SEMA6D: variants seen among roughly 807,000 people sequenced by gnomAD.
SEMA6D encodes semaphorin 6D.
Under a neutral mutation model 106.6 loss-of-function variants are expected in SEMA6D, and 35 were observed. The observed-to-expected ratio is 0.33, with a 90% CI of 0.25 to 0.44. SEMA6D has a LOEUF of 0.44. Ranked by LOEUF, SEMA6D falls within the 20% of genes least tolerant of loss-of-function variation. The probability of loss-of-function intolerance (pLI) is 1.00; values close to 1 mark genes in which losing one functional copy is unlikely to be tolerated. For missense variants in SEMA6D, 1,185 were observed against 1,345.9 expected (o/e 0.88, Z 1.87); for synonymous variants, 499 against 487.7 (o/e 1.02, Z -0.31).
chr15:47,607,364 C>T (rs762632662), intron 4 of SEMA6D, among the ~76,000 whole-genome samples: 7 of 152,070 alleles, frequency 4.6e-5, no homozygotes, highest in Non-Finnish European at 1.0e-4. Context: ...TATAGACAGA[C>T]AAATGGAGGT....
chr15:47,607,943 C>G lies in SEMA6D; in HGVS notation c.-55+7047C>G, dbSNP rs570627618. ...GCCACTTTGTTTTCCTGTCATTTCT[C>G]TTTGTCTTATCTTATCCCTTTCAAA... On this transcript the variant is annotated intron_variant, in intron 4 of 19. Transcript: ENST00000558014. Among the ~76,000 whole-genome samples, 3 of 152,290 alleles carry G rather than the reference C, an allele frequency of 2.0e-5. No homozygotes were observed. The East Asian group carries it at 5.8e-4, about 29-fold the overall frequency.
intron 4 of SEMA6D, among the ~76,000 whole-genome samples, chr15:47,677,999 T>C (rs2078278595): frequency 6.6e-6 from 1 of 152,110 alleles, no homozygotes; most frequent in African/African-American, 2.4e-5. Flanking sequence ...ATGGGAAGTA[T>C]CCTTTCTCAA....
In SEMA6D at chr15:47,665,639, G is replaced by A. The variant is rs991766971; in HGVS notation, c.-55+64743G>A. Reference sequence around the variant, plus strand: ...ATCCTGGCCAACATGGTGAAATCCCGTCTCTACTAAAAATACAAAAATTAG... The same window carrying A: ...ATCCTGGCCAACATGGTGAAATCCCATCTCTACTAAAAATACAAAAATTAG... On this transcript the variant is annotated intron_variant, in intron 4 of 19. Coordinates refer to the SEMA6D transcript ENST00000558014. 7.9e-5 allele frequency among the ~76,000 whole-genome samples: 12 copies of A among 152,164 alleles called. No individual in the cohort carries two copies. In the South Asian group the frequency reaches 1.0e-3, roughly 13 times the overall value.
chr15:47,308,248 T>C (rs550643099), intron 1 of SEMA6D, among the ~76,000 whole-genome samples: 1 of 152,294 alleles, frequency 6.6e-6, no homozygotes, highest in East Asian at 1.9e-4. Context: ...CTCTGCCACA[T>C]AGTTGCCACA....
At chr15:47,467,650 A>C (rs959938966) in intron 2 of SEMA6D, among the ~76,000 whole-genome samples, 14 of 152,088 alleles carry the variant, frequency 9.2e-5, no homozygotes. Flanking sequence ...ATGGAAGTGG[A>C]GCTGTTTCTC....
intron 3 of SEMA6D, among the ~76,000 whole-genome samples, chr15:47,496,512 G>T (rs1038487642): frequency 1.2e-4 from 18 of 151,880 alleles, no homozygotes; most frequent in African/African-American, 4.4e-4. Flanking sequence ...CCTGTTTTCA[G>T]CTCCACAAGC....
At chr15:47,312,723 CAA>C (rs1300283537) in intron 1 of SEMA6D, among the ~76,000 whole-genome samples, 1 of 152,056 alleles carries the variant, frequency 6.6e-6, no homozygotes, top group East Asian at 1.9e-4. Flanking sequence ...ATAATTTAAA[CAA>C]TATTTTTATA....
intron 3 of SEMA6D, among the ~76,000 whole-genome samples, chr15:47,531,845 T>A (rs895881454): frequency 1.3e-5 from 2 of 152,240 alleles, no homozygotes; most frequent in African/African-American, 4.8e-5. Flanking sequence ...CATGTTGTTA[T>A]GGACTGTTCT....
At chr15:47,253,332 C>A (rs1436777332) in intron 1 of SEMA6D, among the ~76,000 whole-genome samples, 1 of 152,046 alleles carries the variant, frequency 6.6e-6, no homozygotes, top group Non-Finnish European at 1.5e-5. Context: ...TTTATTGTTT[C>A]CTTTGCTATG....
chr15:47,703,264 G>A (rs1444861007), intron 4 of SEMA6D, among the ~76,000 whole-genome samples: 1 of 152,064 alleles, frequency 6.6e-6, no homozygotes, highest in Non-Finnish European at 1.5e-5. Context: ...TATGGCATGG[G>A]TGAAATTATA....
chr15:47,227,894 A>G (rs1019900695), intron 1 of SEMA6D, among the ~76,000 whole-genome samples: 1 of 142,748 alleles, frequency 7.0e-6, no homozygotes, highest in Non-Finnish European at 1.5e-5. Flanking sequence ...TATATATTTT[A>G]TATATATAAG....
At chr15:47,318,598 C>T (rs1352515668) in intron 1 of SEMA6D, among the ~76,000 whole-genome samples, 1 of 146,846 alleles carries the variant, frequency 6.8e-6, no homozygotes, top group Non-Finnish European at 1.5e-5. Flanking sequence ...GACATGAACT[C>T]ATCATTTTTT....
intron 1 of SEMA6D, among the ~76,000 whole-genome samples, chr15:47,385,720 A>C (rs2039814358): frequency 6.6e-6 from 1 of 152,206 alleles, no homozygotes; most frequent in African/African-American, 2.4e-5. Context: ...ATTATATAAT[A>C]AATTTGGAAC....
intron 3 of SEMA6D, among the ~76,000 whole-genome samples, chr15:47,498,411 A>G (rs2141560021): frequency 6.6e-6 from 1 of 152,222 alleles, no homozygotes; most frequent in African/African-American, 2.4e-5. Context: ...AATCTTGATA[A>G]ATACATCAAA....
At position 47,771,909 on chromosome 15, in the gene SEMA6D, CTCTT is replaced by C; in HGVS notation, c.*128_*131del. ...TAAGAGAACCAAGTGGCCAAAGAAA[CTCTT>C]TCTAACTTTGGCAACATCAGAACTT... On this transcript the variant is annotated 3_prime_UTR_variant, in exon 19 of 19. Transcript: ENST00000536845. The C allele has an allele frequency of 2.9e-6, 3 of 1,038,854 alleles. No homozygotes were observed. The highest frequency in any genetic ancestry group is 2.4e-5 in the Admixed American group (1 of 41,416). 64.4% of individuals were successfully genotyped at this position (1,038,854 alleles called of 1,614,324 possible).
chr15:47,709,193 A>T (rs1027751135), intron 4 of SEMA6D, among the ~76,000 whole-genome samples: 1 of 152,044 alleles, frequency 6.6e-6, no homozygotes, highest in African/African-American at 2.4e-5. Flanking sequence ...CCCTTGACTG[A>T]AGGACACAGC....
At chr15:47,542,814 G>A (rs2045397591) in intron 3 of SEMA6D, among the ~76,000 whole-genome samples, 2 of 152,168 alleles carry the variant, frequency 1.3e-5, no homozygotes, top group African/African-American at 4.8e-5. Flanking sequence ...CAATGACTGT[G>A]TGTCTGTTCA....
intron 1 of SEMA6D, among the ~76,000 whole-genome samples, chr15:47,336,339 CG>C (rs1161461570): frequency 6.6e-6 from 1 of 152,052 alleles, no homozygotes; most frequent in Non-Finnish European, 1.5e-5. Flanking sequence ...CTGGGAATCT[CG>C]GGAAGATTGC....
intron 18 of SEMA6D, among the ~76,000 whole-genome samples, chr15:47,769,877 T>C (rs11855337): frequency 0.22 from 33,943 of 151,966 alleles, 4,369 homozygotes; most frequent in Middle Eastern, 0.29. Context: ...TGTCTGGGTT[T>C]CTTACATAGT....
Sources: gnomAD v4.1 joint callset for allele counts (sites outside exome capture counted in the v4.1 genomes callset) on GRCh38, gnomAD v4.1.1 for gene constraint, MANE v1.5 for transcripts, NCBI Gene and HGNC (gene_info 2026-07-23, HGNC 2026-07-21) for gene names.